The following PLXNA1 variants were observed in gnomAD, a reference collection of about 807,000 sequenced individuals.
PLXNA1 encodes plexin-A1.
PLXNA1 carries 77 observed loss-of-function variants against 191.7 expected under a neutral mutation model. The ratio of observed to expected loss-of-function variants is 0.40; its 90% CI spans 0.33 to 0.49. The LOEUF (loss-of-function observed/expected upper bound fraction) is 0.49, where lower values mean the gene tolerates loss of function less well. Among genes scored for constraint, PLXNA1 ranks in the 20% least tolerant of loss-of-function variants. The probability of loss-of-function intolerance (pLI) is 0.63; values close to 1 mark genes in which losing one functional copy is unlikely to be tolerated. For synonymous variants in PLXNA1, 1,137 were observed against 1,156.4 expected (o/e 0.98, Z 0.34); for missense variants, 2,110 against 2,660.2 (o/e 0.79, Z 4.55).
At chr3:127,015,078 A>G in intron 14 of PLXNA1, 106 bp from the exon 15 acceptor site, 2 of 1,478,044 alleles carry the variant, frequency 1.4e-6, no homozygotes, top group South Asian at 2.7e-5. Flanking sequence ...GCGGGCTCCT[A>G]GTCTGGGGAA....
In PLXNA1 at chr3:126,988,829, C is replaced by T. The variant is rs774277981; in HGVS notation, c.236C>T (p.Thr79Ile). ...NRIYKLSGNL[T>I]LLRAHVTGPV... ...ATCTATAAGCTGTCGGGGAACCTGACACTGCTGCGGGCCCACGTCACGGGC... is the reference window on the plus strand; with the variant it reads ...ATCTATAAGCTGTCGGGGAACCTGATACTGCTGCGGGCCCACGTCACGGGC... The change falls in exon 2 of 32, where the codon ACA (threonine) becomes ATA (isoleucine). Residue 79 changes from threonine (T) to isoleucine (I), a missense_variant. Transcript: ENST00000393409. 1.2e-6 allele frequency: 2 copies of T among 1,613,406 alleles called. No individual in the cohort carries two copies. The highest frequency in any genetic ancestry group is 2.2e-5 in the East Asian group (1 of 44,890).
Position 126,988,933 on chromosome 3 carries a change from G to A in PLXNA1, c.340G>A (p.Val114Ile), listed in dbSNP as rs762279605. 7.4e-6 allele frequency: 12 copies of A among 1,613,216 alleles called. No homozygotes were observed. The Admixed American group carries it at 2.0e-4, about 27-fold the overall frequency. The change falls in exon 2 of 32, where the codon GTC becomes ATC. Residue 114 changes from valine (V) to isoleucine (I), a missense_variant. Coordinates refer to ENST00000393409, the MANE Select transcript of PLXNA1 (RefSeq NM_032242.4). ...CCACGGCCTGGGCAGTACTGACAAC[G>A]TCAACAAGCTGCTGCTGCTGGACTA... The part of the protein sequence containing the change: ...CPHGLGSTDN[V>I]NKLLLLDYAA...
At position 127,014,580 on chromosome 3, in the gene PLXNA1, G is replaced by A. The variant is rs1475225505; in HGVS notation, c.2707G>A (p.Gly903Ser). Reference protein sequence around the residue: ...FEDVRLGVRVGKVLCSPVESE... With the variant: ...FEDVRLGVRVSKVLCSPVESE... ...AGACGTGCGTCTGGGCGTGCGCGTG[G>A]GCAAGGTGCTGTGCAGCCCTGTGGA... Residue 903 changes from glycine (G) to serine (S), a missense_variant, in exon 13 of 32, where the codon GGC becomes AGC. Around this residue, in one of 4 missense-constraint regions of PLXNA1, gnomAD observed 644 missense variants for 714.3 expected, o/e 0.90. Transcript: ENST00000393409. 1.2e-6 allele frequency: 2 copies of A among 1,613,036 alleles called. No individual in the cohort carries two copies. Among genetic ancestry groups the A allele is most frequent in the Non-Finnish European group, 1.7e-6 (2 of 1,179,884 alleles).
chr3:127,022,654 G>T (rs921003639), intron 22 of PLXNA1, 98 bp from the exon 23 acceptor site: 1 of 1,100,876 alleles, frequency 9.1e-7, no homozygotes, highest in East Asian at 2.4e-5. Flanking sequence ...AGGAAGGGGG[G>T]CAGGGTGGGG....
rs1462186273 is a variant in PLXNA1, at chr3:127,003,481, C to T, written c.1518+11C>T. 18 of 1,593,158 alleles carry T rather than the reference C, an allele frequency of 1.1e-5. No individual in the cohort carries two copies. The highest frequency in any genetic ancestry group is 6.7e-5 in the African/African-American group (5 of 74,536). On this transcript the variant is annotated intron_variant, in intron 4 of 31. Transcript: ENST00000393409. The stretch of plus-strand genomic sequence containing the variant: ...ATGACCGAGAAGCAGGTGGGTGCTG[C>T]ACCAGTCAGACGGTGTGGCTGAAGG...
Position 126,988,894 on chromosome 3 carries a change from G to A in PLXNA1, c.301G>A (p.Val101Met), listed in dbSNP as rs1347349953. 6.2e-6 allele frequency: 10 copies of A among 1,613,186 alleles called. No individual in the cohort carries two copies. The highest frequency in any genetic ancestry group is 1.1e-5 in the South Asian group (1 of 91,088). Reference protein sequence around the residue: ...DNEKCYPPPSVQSCPHGLGST... With the variant: ...DNEKCYPPPSMQSCPHGLGST... ...CGAGAAGTGCTACCCGCCGCCCAGC[G>A]TGCAGTCCTGCCCCCACGGCCTGGG... Residue 101 changes from valine (V) to methionine (M), a missense_variant, in exon 2 of 32, where the codon GTG becomes ATG. Around this residue, in one of 4 missense-constraint regions of PLXNA1, gnomAD observed 903 missense variants for 1,015.7 expected, o/e 0.89. Coordinates refer to ENST00000393409, the MANE Select transcript of PLXNA1 (RefSeq NM_032242.4).
chr3:127,030,652 T>C (rs1228830532), intron 29 of PLXNA1, among the ~76,000 whole-genome samples: 1 of 152,188 alleles, frequency 6.6e-6, no homozygotes, highest in Non-Finnish European at 1.5e-5. Context: ...CTGCAGGAAC[T>C]GTGTGCAGGT....
At position 127,016,677 on chromosome 3, in the gene PLXNA1, A is replaced by G. The variant is rs760325684; in HGVS notation, c.3175A>G (p.Ile1059Val). ...CCTGAGGATCGACCCCGAGTGGAGC[A>G]TCAACAGGTGGGGCCCAGCAACACC... is the stretch of plus-strand genomic sequence containing the variant. ...TILRIDPEWS[I>V]NSGGTLLTVT... Residue 1059 changes from isoleucine to valine, a missense_variant, in exon 16 of 32, where the codon ATC becomes GTC. Ile to Val is a conservative substitution (Grantham distance 29). Around this residue, in one of 4 missense-constraint regions of PLXNA1, gnomAD observed 644 missense variants for 714.3 expected, o/e 0.90. Coordinates refer to ENST00000393409, the MANE Select transcript of PLXNA1 (RefSeq NM_032242.4). The G allele has an allele frequency of 6.2e-7, 1 of 1,613,984 alleles. No individual in the cohort carries two copies. The highest frequency in any genetic ancestry group is 8.5e-7 in the Non-Finnish European group (1 of 1,179,946).
In PLXNA1 at chr3:127,016,926, A is replaced by G; in HGVS notation, c.3183-18A>G. 1.2e-6 allele frequency: 2 copies of G among 1,602,562 alleles called. No homozygotes were observed. The highest frequency in any genetic ancestry group is 1.7e-6 in the Non-Finnish European group (2 of 1,172,680). The stretch of plus-strand genomic sequence containing the variant: ...CCCAGCATCATTTGGTGACCCCCCC[A>G]CCCCTGTCCTGTTCCAGCGGTGGGA... On this transcript the variant is annotated intron_variant, in intron 16 of 31. Coordinates refer to ENST00000393409, the MANE Select transcript of PLXNA1 (RefSeq NM_032242.4).
In PLXNA1 at chr3:127,016,685, G is replaced by A; in HGVS notation, c.3182+1G>A. 1.9e-6 allele frequency: 3 copies of A among 1,613,884 alleles called. No homozygotes were observed. The highest frequency in any genetic ancestry group is 2.5e-6 in the Non-Finnish European group (3 of 1,179,928). On this transcript the variant is annotated splice_donor_variant, in intron 16 of 31. Transcript: ENST00000393409. LOFTEE classifies it high-confidence loss of function. ...TCGACCCCGAGTGGAGCATCAACAG[G>A]TGGGGCCCAGCAACACCCATTCCCT... is the stretch of plus-strand genomic sequence containing the variant.
In PLXNA1 at chr3:126,989,136, C is replaced by T; in HGVS notation, c.543C>T (p.Gly181=). 1.2e-6 allele frequency: 2 copies of T among 1,613,270 alleles called. No homozygotes were observed. The highest frequency in any genetic ancestry group is 1.7e-6 in the Non-Finnish European group (2 of 1,180,018). ...TCATTGCCGGGCCACCGGGCCAGGG[C>T]CAGGCCAAGCTCTTCGTGGGCACAC... ...GVLIAGPPGQ[G]QAKLFVGTPI... Residue 181 remains glycine (G), a synonymous_variant, in exon 2 of 32, where the codon GGC becomes GGT. Coordinates refer to ENST00000393409, the MANE Select transcript of PLXNA1 (RefSeq NM_032242.4).
chr3:127,022,183 C>A lies in PLXNA1; in HGVS notation c.4137C>A (p.Arg1379=). Residue 1379 remains arginine, a synonymous_variant, in exon 22 of 32, where the codon CGC becomes CGA. Transcript: ENST00000393409. ...TCATCCGCACGCTGGAGGCACAGCGCAGCTTCTCCATGCGCGACCGCGGGA... is the reference window on the plus strand; with the variant it reads ...TCATCCGCACGCTGGAGGCACAGCGAAGCTTCTCCATGCGCGACCGCGGGA... The part of the protein sequence containing the change: ...LTFIRTLEAQ[R]SFSMRDRGNV... 1 of 1,613,434 alleles carries A rather than the reference C, an allele frequency of 6.2e-7. No individual in the cohort carries two copies. The highest frequency in any genetic ancestry group is 8.5e-7 in the Non-Finnish European group (1 of 1,180,004).
intron 3 of PLXNA1, among the ~76,000 whole-genome samples, chr3:126,995,079 C>T (rs1227542662): frequency 6.6e-6 from 1 of 152,128 alleles, no homozygotes. Context: ...TGGGGAGCTC[C>T]AGGGACTTGG....
intron 2 of PLXNA1, 151 bp downstream of exon 2, chr3:126,989,938 C>G (rs1368886730): frequency 2.9e-6 from 2 of 684,336 alleles, no homozygotes; most frequent in Admixed American, 5.8e-5. Context: ...GTGGGGCTGC[C>G]CTTTTCCATC....
chr3:127,029,444 C>CA lies in PLXNA1; in HGVS notation c.4779dup (p.Asp1594ArgfsTer74). On this transcript the variant is annotated frameshift_variant, in exon 27 of 32. Transcript: ENST00000393409. LOFTEE classifies it high-confidence loss of function. The stretch of plus-strand genomic sequence containing the variant: ...TCCCTGGCCCTCTGCCCACAGGTGA[C>CA]AGACGGGTCCTCGGTGGCACTGGTG... 6.2e-7 allele frequency: 1 copy of CA among 1,613,780 alleles called. No individual in the cohort carries two copies. Among genetic ancestry groups the CA allele is most frequent in the Non-Finnish European group, 8.5e-7 (1 of 1,179,926 alleles).
Position 127,035,345 on chromosome 3 carries a change from T to C in PLXNA1, c.*1328T>C, listed in dbSNP as rs942317327. ...GATTTGAACAAGAAAATGAAGGCAG[T>C]GGGAAAGCAATGCCAAATGGTTGTG... On this transcript the variant is annotated 3_prime_UTR_variant, in exon 32 of 32. Coordinates refer to ENST00000393409, the MANE Select transcript of PLXNA1 (RefSeq NM_032242.4). 1 of 152,140 alleles carries C rather than the reference T, an allele frequency of 6.6e-6. No individual in the cohort carries two copies. The highest frequency in any genetic ancestry group is 1.5e-5 in the Non-Finnish European group (1 of 68,032). The allele number at this position is 152,140 out of a possible 1,614,324, so 9.4% of individuals were successfully genotyped here.
intron 23 of PLXNA1, among the ~76,000 whole-genome samples, chr3:127,025,232 C>T (rs2079171303): frequency 6.6e-6 from 1 of 152,160 alleles, no homozygotes; most frequent in South Asian, 2.1e-4. Context: ...GTCATCTCTC[C>T]CTCCCCCTGA....
intron 3 of PLXNA1, among the ~76,000 whole-genome samples, chr3:127,000,832 G>A (rs2079036671): frequency 6.6e-6 from 1 of 152,176 alleles, no homozygotes; most frequent in African/African-American, 2.4e-5. Context: ...ACAGTGTGGG[G>A]CCTGCACCTG....
chr3:127,018,025 C>T, intron 19 of PLXNA1, 133 bp downstream of exon 19: 1 of 1,272,846 alleles, frequency 7.9e-7, no homozygotes, highest in South Asian at 1.4e-5. Flanking sequence ...GGCTCCAGTG[C>T]AGGCCCTGCC....
Sources: gnomAD v4.1 joint callset for allele counts (sites outside exome capture counted in the v4.1 genomes callset) on GRCh38, gnomAD v4.1.1 for gene constraint, gnomAD v4.1.1 regional missense constraint, MANE v1.5 for transcripts, NCBI Gene and HGNC (gene_info 2026-07-23, HGNC 2026-07-21) for gene names.